Variants in SEMA6D observed in about 807,000 individuals in gnomAD.
SEMA6D encodes semaphorin-6D.
SEMA6D carries 35 observed loss-of-function variants against 106.6 expected under a neutral mutation model. That is an observed-to-expected ratio of 0.33 (90% confidence interval 0.25 to 0.44). The LOEUF is 0.44. Among genes scored for constraint, SEMA6D ranks in the 20% least tolerant of loss-of-function variants. The pLI is 1.00. For synonymous variants in SEMA6D, 499 were observed against 487.7 expected, an observed-to-expected ratio of 1.02 and a Z score of -0.31; for missense variants, 1,185 against 1,345.9, an observed-to-expected ratio of 0.88 and a Z score of 1.87.
At chr15:47,593,953 C>T (rs1249731242) in intron 3 of SEMA6D, among the ~76,000 whole-genome samples, 1 of 152,172 alleles carries the variant, frequency 6.6e-6, no homozygotes, top group African/African-American at 2.4e-5. Flanking sequence ...TCAGCTCCCG[C>T]CAGACCCCCA....
intron 4 of SEMA6D, among the ~76,000 whole-genome samples, chr15:47,704,950 G>GT (rs932289947): frequency 1.3e-5 from 2 of 151,976 alleles, no homozygotes; most frequent in Non-Finnish European, 1.5e-5. Flanking sequence ...TGTACTTAAA[G>GT]TTTTTTTTAA....
At chr15:47,389,053 T>C (rs281286) in intron 1 of SEMA6D, among the ~76,000 whole-genome samples, 75,810 of 152,034 alleles carry the variant, frequency 0.5, 22,293 homozygotes, top group African/African-American at 0.83. Flanking sequence ...AAGGTACCTA[T>C]GGTGAACAAA....
rs1361036847 is a variant in SEMA6D at position 47,629,305 on chromosome 15, C to G, written c.-55+28409C>G. ...TTTTAGAGTAAGCTTATCTATGACT[C>G]TAGAAAACTATTGCTAGAAGCTAAA... On this transcript the variant is annotated intron_variant, in intron 4 of 19. Transcript: ENST00000558014. Among the ~76,000 whole-genome samples the G allele has an allele frequency of 4.6e-5, 7 of 152,022 alleles. No homozygotes were observed. The South Asian group carries it at 1.5e-3, about 32-fold the overall frequency.
At chr15:47,386,571 G>C (rs2039846559) in intron 1 of SEMA6D, among the ~76,000 whole-genome samples, 1 of 152,202 alleles carries the variant, frequency 6.6e-6, no homozygotes, top group Non-Finnish European at 1.5e-5. Context: ...GGCCATCGGG[G>C]AGTCCTGGAG....
At chr15:47,188,295 CT>C (rs1555401802) in intron 1 of SEMA6D, among the ~76,000 whole-genome samples, 1 of 152,132 alleles carries the variant, frequency 6.6e-6, no homozygotes, top group Non-Finnish European at 1.5e-5. Flanking sequence ...TAAATTTAGT[CT>C]TCTCTTTCAC....
intron 1 of SEMA6D, among the ~76,000 whole-genome samples, chr15:47,232,005 C>G (rs2032228507): frequency 6.6e-6 from 1 of 151,908 alleles, no homozygotes; most frequent in Admixed American, 6.6e-5. Flanking sequence ...GTAATCAATC[C>G]CAATTTCATT....
intron 3 of SEMA6D, among the ~76,000 whole-genome samples, chr15:47,476,576 G>T (rs1409968034): frequency 6.6e-6 from 1 of 152,072 alleles, no homozygotes; most frequent in East Asian, 1.9e-4. Flanking sequence ...CCACTTTAAA[G>T]CCTTCCTCAT....
intron 3 of SEMA6D, among the ~76,000 whole-genome samples, chr15:47,594,489 G>C (rs961558151): frequency 6.6e-6 from 1 of 152,192 alleles, no homozygotes; most frequent in African/African-American, 2.4e-5. Flanking sequence ...ATATCATTGA[G>C]AGAATTTGCA....
At chr15:47,725,367 G>T (rs1486102056) in intron 1 of SEMA6D, among the ~76,000 whole-genome samples, 2 of 152,184 alleles carry the variant, frequency 1.3e-5, no homozygotes, top group Admixed American at 1.3e-4. Flanking sequence ...AAGGAATGAG[G>T]TTGGAGCTAT....
intron 4 of SEMA6D, among the ~76,000 whole-genome samples, chr15:47,703,728 A>G (rs921165264): frequency 2.0e-5 from 3 of 152,192 alleles, no homozygotes; most frequent in Non-Finnish European, 4.4e-5. Context: ...ATGGAAATAA[A>G]AAGTATGGTT....
chr15:47,718,046 T>G (rs1277265861), intron 1 of SEMA6D, among the ~76,000 whole-genome samples: 1 of 151,900 alleles, frequency 6.6e-6, no homozygotes, highest in Non-Finnish European at 1.5e-5. Flanking sequence ...TGCACCCCCT[T>G]GGAAAAAAAG....
intron 1 of SEMA6D, among the ~76,000 whole-genome samples, chr15:47,208,990 T>G (rs908605324): frequency 6.6e-6 from 1 of 152,236 alleles, no homozygotes; most frequent in Non-Finnish European, 1.5e-5. Flanking sequence ...GGATGTCAGC[T>G]GGACCACATG....
At chr15:47,426,669 C>T (rs1225550578) in intron 2 of SEMA6D, among the ~76,000 whole-genome samples, 1 of 152,114 alleles carries the variant, frequency 6.6e-6, no homozygotes, top group South Asian at 2.1e-4. Flanking sequence ...ATCCCTGATG[C>T]GTACTCCCTA....
At chr15:47,546,031 G>T (rs1461608097) in intron 3 of SEMA6D, among the ~76,000 whole-genome samples, 1 of 152,118 alleles carries the variant, frequency 6.6e-6, no homozygotes, top group African/African-American at 2.4e-5. Flanking sequence ...TACTCACAGG[G>T]ACACACACTC....
chr15:47,264,694 A>G (rs561034189), intron 1 of SEMA6D, among the ~76,000 whole-genome samples: 2 of 152,182 alleles, frequency 1.3e-5, no homozygotes, highest in East Asian at 1.9e-4. Flanking sequence ...TTTTAGAGTG[A>G]AAGCATCTAG....
chr15:47,746,984 G>GTATATATATATATATATATGTA (rs3985864), intron 1 of SEMA6D, among the ~76,000 whole-genome samples: 1 of 122,046 alleles, frequency 8.2e-6, no homozygotes, highest in Non-Finnish European at 1.8e-5. Flanking sequence ...GTGTGTGTGT[G>GTATATATATATATATATATGTA]TATATATATA....
chr15:47,695,279 T>C (rs572401195), intron 4 of SEMA6D, among the ~76,000 whole-genome samples: 2 of 152,340 alleles, frequency 1.3e-5, no homozygotes, highest in Non-Finnish European at 2.9e-5. Context: ...TTAAGAATCT[T>C]GCTAGAATAG....
At chr15:47,513,532 A>G (rs1344340927) in intron 3 of SEMA6D, among the ~76,000 whole-genome samples, 2 of 152,132 alleles carry the variant, frequency 1.3e-5, no homozygotes, top group African/African-American at 4.8e-5. Flanking sequence ...GTATTCCAGG[A>G]AAACAGACCA....
chr15:47,348,645 A>C (rs528230838), intron 1 of SEMA6D, among the ~76,000 whole-genome samples: 27 of 149,740 alleles, frequency 1.8e-4, no homozygotes, highest in African/African-American at 6.7e-4. Context: ...GATTTCATGA[A>C]ACCAGGCCAC....
Sources: allele counts gnomAD v4.1 joint callset (sites outside exome capture counted in the v4.1 genomes callset), GRCh38; gene constraint gnomAD v4.1.1; transcripts MANE v1.5; gene names NCBI Gene and HGNC (gene_info 2026-07-23, HGNC 2026-07-21).